The following PGM5 variants were observed in gnomAD, a reference collection of about 807,000 sequenced individuals.
PGM5 encodes phosphoglucomutase-like protein 5.
In PGM5, 23 loss-of-function variants were observed where a neutral mutation model predicts 59.2. The ratio of observed to expected loss-of-function variants is 0.39; its 90% confidence interval spans 0.28 to 0.55. The LOEUF is 0.55. Among genes scored for constraint, PGM5 ranks in the 20% least tolerant of loss-of-function variants. The pLI is 0.66. For missense variants in PGM5, 574 were observed against 748.3 expected, an observed-to-expected ratio of 0.77 and a Z score of 2.72; for synonymous variants, 214 against 286.0, an observed-to-expected ratio of 0.75 and a Z score of 2.54.
At chr9:68,449,956 G>A (rs1215772491) in intron 6 of PGM5, among the ~76,000 whole-genome samples, 1 of 152,182 alleles carries the variant, frequency 6.6e-6, no homozygotes, top group East Asian at 1.9e-4. Context: ...TTACATTTAA[G>A]AGAGATGTCC....
chr9:68,484,541 A>AACACACACACACAC lies in PGM5; in HGVS notation c.1479+517_1479+530dup, dbSNP rs72293391. 2.5e-3 allele frequency among the ~76,000 whole-genome samples: 330 copies of AACACACACACACAC among 132,328 alleles called. 1 individual carries two copies. Among genetic ancestry groups the AACACACACACACAC allele is most frequent in the African/African-American group, 9.5e-3 (318 of 33,588 alleles). The allele number at this position is 132,328 out of a possible 152,430, so 86.8% of individuals were successfully genotyped here. ...GGAGACAAAGTGAGACCATGTCTCA[A>AACACACACACACAC]ACACACACACACACACACACACACA... On this transcript the variant is annotated intron_variant, in intron 9 of 10. Transcript: ENST00000396396.
chr9:68,362,448 A>G (rs1226306743), intron 1 of PGM5, among the ~76,000 whole-genome samples: 1 of 152,358 alleles, frequency 6.6e-6, no homozygotes, highest in South Asian at 2.1e-4. Flanking sequence ...ACTTACATTT[A>G]AAAATTCCCA....
At chr9:68,480,481 G>A (rs1234378573) in intron 8 of PGM5, among the ~76,000 whole-genome samples, 1 of 152,148 alleles carries the variant, frequency 6.6e-6, no homozygotes, top group Non-Finnish European at 1.5e-5. Context: ...GAGGCAGGCG[G>A]ATCACCTGAG....
At chr9:68,438,359 A>G (rs1335646847) in intron 6 of PGM5, among the ~76,000 whole-genome samples, 1 of 150,800 alleles carries the variant, frequency 6.6e-6, no homozygotes, top group Non-Finnish European at 1.5e-5. Flanking sequence ...GTTTGAACAT[A>G]TTTTGAGACA....
intron 10 of PGM5, among the ~76,000 whole-genome samples, chr9:68,508,181 T>C (rs1175132544): frequency 6.6e-6 from 1 of 152,078 alleles, no homozygotes; most frequent in African/African-American, 2.4e-5. Context: ...AATCTCTCTT[T>C]GTGGCAATAT....
At chr9:68,469,825 G>A (rs1158003170) in intron 7 of PGM5, among the ~76,000 whole-genome samples, 2 of 152,168 alleles carry the variant, frequency 1.3e-5, no homozygotes, top group Admixed American at 6.5e-5. Flanking sequence ...GAAGATAGGT[G>A]GGTGGAAGGA....
intron 6 of PGM5, among the ~76,000 whole-genome samples, chr9:68,403,099 C>T (rs1438108177): frequency 6.6e-6 from 1 of 152,212 alleles, no homozygotes; most frequent in African/African-American, 2.4e-5. Context: ...ATCCCCAACC[C>T]CAGGCCACAT....
chr9:68,443,474 A>G (rs782004823), intron 6 of PGM5, among the ~76,000 whole-genome samples: 4 of 152,244 alleles, frequency 2.6e-5, no homozygotes, highest in Non-Finnish European at 5.9e-5. Flanking sequence ...ATAAAACAGA[A>G]CACAGCAAAA....
chr9:68,367,114 C>T (rs554735047), intron 1 of PGM5, among the ~76,000 whole-genome samples: 1 of 152,230 alleles, frequency 6.6e-6, no homozygotes, highest in South Asian at 2.1e-4. Context: ...CACACACAAA[C>T]ACACACATGC....
intron 3 of PGM5, among the ~76,000 whole-genome samples, chr9:68,385,683 G>A (rs1184264081): frequency 4.6e-5 from 7 of 151,984 alleles, no homozygotes; most frequent in Admixed American, 4.6e-4. Flanking sequence ...TAAGCAAAAT[G>A]ATTTCAATAT....
intron 9 of PGM5, among the ~76,000 whole-genome samples, chr9:68,488,169 A>T (rs549645703): frequency 1.8e-4 from 27 of 152,220 alleles, no homozygotes; most frequent in Non-Finnish European, 1.0e-4. Flanking sequence ...TTGCAGTGTC[A>T]CATAAAGATT....
At chr9:68,464,794 T>G (rs1823907957) in intron 6 of PGM5, among the ~76,000 whole-genome samples, 1 of 152,176 alleles carries the variant, frequency 6.6e-6, no homozygotes, top group South Asian at 2.1e-4. Flanking sequence ...TATCCCCACA[T>G]GGACTCTTTC....
chr9:68,474,959 C>T (rs1252202319), intron 7 of PGM5, among the ~76,000 whole-genome samples: 2 of 148,706 alleles, frequency 1.3e-5, no homozygotes, highest in South Asian at 2.2e-4. Context: ...CTAGAAAAGG[C>T]ATGTTTTAAA....
chr9:68,422,922 T>C (rs1459930070), intron 6 of PGM5, among the ~76,000 whole-genome samples: 1 of 152,218 alleles, frequency 6.6e-6, no homozygotes, highest in Non-Finnish European at 1.5e-5. Flanking sequence ...GTCATTCTTA[T>C]GCCTTTGCAT....
chr9:68,503,329 A>G (rs2132108166), intron 10 of PGM5, among the ~76,000 whole-genome samples: 1 of 152,310 alleles, frequency 6.6e-6, no homozygotes, highest in Middle Eastern at 3.4e-3. Context: ...AACTCAGAAC[A>G]CTTACATTAA....
chr9:68,524,563 G>T (rs890845725), intron 10 of PGM5, among the ~76,000 whole-genome samples: 4 of 152,172 alleles, frequency 2.6e-5, no homozygotes, highest in African/African-American at 9.7e-5. Context: ...TTCACAAAGG[G>T]TTATTTTGGA....
rs1335802218 is a variant in PGM5, at chr9:68,357,399, G to A, written c.261+11G>A. 7 of 1,555,630 alleles carry A rather than the reference G, an allele frequency of 4.5e-6. No individual in the cohort carries two copies. The highest frequency in any genetic ancestry group is 6.1e-6 in the Non-Finnish European group (7 of 1,153,540). On this transcript the variant is annotated intron_variant, in intron 1 of 10. Coordinates refer to ENST00000396396, the MANE Select transcript of PGM5 (RefSeq NM_021965.4). ...GCCGCGGCCAACGGGGTGAGTGTCCGGATGCCCCTCGCTTCCCGCCGCGCC... is the reference window on the plus strand; with the variant it reads ...GCCGCGGCCAACGGGGTGAGTGTCCAGATGCCCCTCGCTTCCCGCCGCGCC...
chr9:68,399,338 G>T (rs1358201139), intron 6 of PGM5: 1 of 151,962 alleles, frequency 6.6e-6, no homozygotes, highest in South Asian at 2.1e-4. Flanking sequence ...GCCAGAGGGG[G>T]TGTCTATACT....
chr9:68,511,979 T>C (rs1407535573), intron 10 of PGM5, among the ~76,000 whole-genome samples: 2 of 152,156 alleles, frequency 1.3e-5, no homozygotes, highest in Non-Finnish European at 2.9e-5. Flanking sequence ...TGACATGGCA[T>C]TTTAGATGTA....
Sources: gnomAD v4.1 joint callset for allele counts (sites outside exome capture counted in the v4.1 genomes callset) on GRCh38, gnomAD v4.1.1 for gene constraint, MANE v1.5 for transcripts, NCBI Gene and HGNC (gene_info 2026-07-23, HGNC 2026-07-21) for gene names.